SLIT3: variants seen among roughly 807,000 people sequenced by gnomAD.
SLIT3 encodes slit homolog 3 protein.
SLIT3 carries 68 observed loss-of-function variants against 184.0 expected under a neutral mutation model. The ratio of observed to expected loss-of-function variants is 0.37; its 90% CI spans 0.30 to 0.45. SLIT3 has a LOEUF of 0.45. SLIT3 is among the 20% of genes least tolerant of loss of function. The pLI, the probability that SLIT3 is intolerant of heterozygous loss-of-function variation, is 1.00. For missense variants in SLIT3, 1,707 were observed against 2,026.0 expected (o/e 0.84, Z 3.02); for synonymous variants, 831 against 828.6 (o/e 1.00, Z -0.05).
chr5:168,738,065 A>C (rs1239187959), intron 20 of SLIT3, among the ~76,000 whole-genome samples: 1 of 152,138 alleles, frequency 6.6e-6, no homozygotes, highest in African/African-American at 2.4e-5. Context: ...CTCTCTATCC[A>C]TTGCCCACCA....
intron 4 of SLIT3, among the ~76,000 whole-genome samples, chr5:169,113,018 T>G (rs1307705006): frequency 6.6e-6 from 1 of 152,190 alleles, no homozygotes; most frequent in Non-Finnish European, 1.5e-5. Context: ...AAAATTTCCT[T>G]CCTGAAACCC....
chr5:169,151,245 A>C (rs1762108888), intron 4 of SLIT3, among the ~76,000 whole-genome samples: 1 of 152,152 alleles, frequency 6.6e-6, no homozygotes, highest in African/African-American at 2.4e-5. Flanking sequence ...CCCTTTCATT[A>C]AATGCATCAT....
At chr5:168,722,811 G>A in intron 22 of SLIT3, 122 bp downstream of exon 22, 1 of 756,514 alleles carries the variant, frequency 1.3e-6, no homozygotes. Flanking sequence ...CTTATGCTAG[G>A]GCAGCCATAG....
chr5:169,149,104 A>G (rs1282728412), intron 4 of SLIT3, among the ~76,000 whole-genome samples: 1 of 152,214 alleles, frequency 6.6e-6, no homozygotes, highest in South Asian at 2.1e-4. Context: ...CCTTAACTCT[A>G]AATTCCATGG....
At chr5:169,136,581 G>A (rs2113330384) in intron 4 of SLIT3, among the ~76,000 whole-genome samples, 1 of 152,306 alleles carries the variant, frequency 6.6e-6, no homozygotes, top group Non-Finnish European at 1.5e-5. Context: ...TGTCAACAAG[G>A]CTATGGTGGA....
intron 4 of SLIT3, among the ~76,000 whole-genome samples, chr5:169,191,223 C>T (rs1021572173): frequency 6.6e-6 from 1 of 152,134 alleles, no homozygotes; most frequent in Non-Finnish European, 1.5e-5. Flanking sequence ...TATCTTTAGG[C>T]CTATATCATT....
intron 8 of SLIT3, among the ~76,000 whole-genome samples, chr5:168,807,900 T>G (rs2113635800): frequency 6.6e-6 from 1 of 152,138 alleles, no homozygotes; most frequent in South Asian, 2.1e-4. Flanking sequence ...GCTCTCCGCG[T>G]TCAATAGTCC....
At chr5:169,201,739 A>AGAAG (rs1377075559) in intron 3 of SLIT3, among the ~76,000 whole-genome samples, 1 of 152,224 alleles carries the variant, frequency 6.6e-6, no homozygotes, top group African/African-American at 2.4e-5. Context: ...CCAGGGGAAG[A>AGAAG]GAAGGAAGGA....
intron 4 of SLIT3, among the ~76,000 whole-genome samples, chr5:168,984,185 G>C (rs1231162144): frequency 1.3e-5 from 2 of 152,006 alleles, no homozygotes; most frequent in African/African-American, 4.8e-5. Context: ...TAAAAATAAT[G>C]ATAGAACTTT....
intron 14 of SLIT3, chr5:168,768,128 G>T: frequency 4.1e-6 from 2 of 492,910 alleles, no homozygotes. Context: ...CGGTGGTGGC[G>T]GCGGTGGCGG....
chr5:168,753,169 T>G, intron 17 of SLIT3, 71 bp from the exon 18 acceptor site: 2 of 1,294,114 alleles, frequency 1.5e-6, no homozygotes, highest in South Asian at 2.8e-5. Flanking sequence ...GCCACGGTGG[T>G]GTGTGTGTGT....
chr5:169,161,139 C>T (rs557917673), intron 4 of SLIT3, among the ~76,000 whole-genome samples: 15 of 152,306 alleles, frequency 9.8e-5, no homozygotes, highest in African/African-American at 3.6e-4. Context: ...CAGTTAAAAT[C>T]GCCTCCTCCT....
intron 1 of SLIT3, among the ~76,000 whole-genome samples, chr5:169,276,499 AAG>A (rs1766812315): frequency 6.6e-6 from 1 of 152,204 alleles, no homozygotes; most frequent in Non-Finnish European, 1.5e-5. Flanking sequence ...CATTGGAACA[AAG>A]AGGATATTTC....
intron 4 of SLIT3, among the ~76,000 whole-genome samples, chr5:169,038,869 C>T (rs1162048636): frequency 6.6e-6 from 1 of 152,088 alleles, no homozygotes; most frequent in Non-Finnish European, 1.5e-5. Flanking sequence ...CAAGCAAAGA[C>T]CACCATAAAA....
chr5:169,104,064 C>T (rs1760112985), intron 4 of SLIT3, among the ~76,000 whole-genome samples: 1 of 152,190 alleles, frequency 6.6e-6, no homozygotes, highest in East Asian at 1.9e-4. Context: ...GATGCATTAG[C>T]CCTGATTAAT....
At chr5:168,916,590 T>C (rs1439203203) in intron 4 of SLIT3, among the ~76,000 whole-genome samples, 1 of 152,248 alleles carries the variant, frequency 6.6e-6, no homozygotes, top group Non-Finnish European at 1.5e-5. Flanking sequence ...CTAAATTAAG[T>C]GTATCCCAGG....
intron 4 of SLIT3, among the ~76,000 whole-genome samples, chr5:168,934,570 G>A (rs757047268): frequency 1.3e-5 from 2 of 152,212 alleles, no homozygotes; most frequent in Non-Finnish European, 2.9e-5. Context: ...AAAGGCACGC[G>A]GCTGTGGGAG....
chr5:168,855,330 C>A (rs1337737419), intron 5 of SLIT3, among the ~76,000 whole-genome samples: 2 of 152,212 alleles, frequency 1.3e-5, no homozygotes, highest in Non-Finnish European at 2.9e-5. Flanking sequence ...AAAAGTTAAA[C>A]ATAGACTTAC....
At chr5:168,734,682 A>T (rs1208766247) in intron 20 of SLIT3, among the ~76,000 whole-genome samples, 1 of 152,202 alleles carries the variant, frequency 6.6e-6, no homozygotes, top group Non-Finnish European at 1.5e-5. Flanking sequence ...AGACAGCCAA[A>T]GCATTGGCTG....
Sources: gnomAD v4.1 joint callset for allele counts (sites outside exome capture counted in the v4.1 genomes callset) on GRCh38, gnomAD v4.1.1 for gene constraint, MANE v1.5 for transcripts, NCBI Gene and HGNC (gene_info 2026-07-23, HGNC 2026-07-21) for gene names.